Variants in ARHGEF4 observed in about 807,000 individuals in gnomAD.
The protein encoded by ARHGEF4 is Rho guanine nucleotide exchange factor 4, also known as APC-stimulated guanine nucleotide exchange factor 1.
A neutral mutation model predicts 162.0 loss-of-function variants in ARHGEF4; 119 were observed. The ratio of observed to expected loss-of-function variants is 0.73; its 90% confidence interval spans 0.63 to 0.86. The LOEUF is 0.86. Among genes scored for constraint, ARHGEF4 ranks in the 40% least tolerant of loss-of-function variants. ARHGEF4 has a pLI of 0.00. For synonymous variants in ARHGEF4, 1,014 were observed against 979.9 expected, an observed-to-expected ratio of 1.03 and a Z score of -0.65; for missense variants, 2,488 against 2,456.0, an observed-to-expected ratio of 1.01 and a Z score of -0.28.
At chr2:130,932,765 T>G (rs963887486) in intron 3 of ARHGEF4, among the ~76,000 whole-genome samples, 57 of 152,246 alleles carry the variant, frequency 3.7e-4, no homozygotes, top group African/African-American at 1.3e-3. Context: ...CTTTCGCTTT[T>G]AAATTTAGGT....
At chr2:130,985,548 A>T (rs1686424232) in intron 4 of ARHGEF4, among the ~76,000 whole-genome samples, 1 of 151,660 alleles carries the variant, frequency 6.6e-6, no homozygotes, top group African/African-American at 2.4e-5. Flanking sequence ...GGAACTAGGG[A>T]GGGGCAAGGA....
intron 4 of ARHGEF4, among the ~76,000 whole-genome samples, chr2:130,971,943 A>G (rs543839572): frequency 6.6e-6 from 1 of 152,346 alleles, no homozygotes; most frequent in African/African-American, 2.4e-5. Flanking sequence ...TTTCCTAAGT[A>G]AAATCTATAG....
chr2:130,982,642 T>G lies in ARHGEF4; in HGVS notation c.3985+36007T>G, dbSNP rs568715184. Among the ~76,000 whole-genome samples the G allele has an allele frequency of 2.7e-5, 4 of 146,318 alleles. No individual in the cohort carries two copies. The East Asian group carries it at 8.4e-4, about 31-fold the overall frequency. ...CTTCTTTTCTTTCTTACCATTTTAC[T>G]GTAGGCCAAAAGAATTTACCATACA... On this transcript the variant is annotated intron_variant, in intron 4 of 13. Transcript: ENST00000409359.
rs529032783 is a variant in ARHGEF4, at chr2:131,005,517, G to T, written c.3986-22428G>T. ...TCTGTGTTGAAGTGCGCCTCTGGGG[G>T]TCATTTACTTGCATCTGAGATCTGT... On this transcript the variant is annotated intron_variant, in intron 4 of 13. Coordinates refer to ENST00000409359, the MANE Select transcript of ARHGEF4 (RefSeq NM_001367493.1). 2.0e-5 allele frequency among the ~76,000 whole-genome samples: 3 copies of T among 152,312 alleles called. No homozygotes were observed. The East Asian group carries it at 5.8e-4, about 29-fold the overall frequency.
At chr2:130,905,774 A>C (rs1680777342) in intron 1 of ARHGEF4, among the ~76,000 whole-genome samples, 1 of 152,126 alleles carries the variant, frequency 6.6e-6, no homozygotes, top group African/African-American at 2.4e-5. Context: ...TTATTTTATT[A>C]ATCTCTTACT....
intron 1 of ARHGEF4, among the ~76,000 whole-genome samples, chr2:130,850,198 G>C (rs1278367737): frequency 2.0e-5 from 3 of 152,184 alleles, no homozygotes; most frequent in Non-Finnish European, 4.4e-5. Flanking sequence ...GTGCCCCAGG[G>C]AGGGGGCAGC....
chr2:131,040,013 C>A lies in ARHGEF4; in HGVS notation c.4306-3C>A. The A allele has an allele frequency of 6.4e-7, 1 of 1,555,290 alleles. No individual in the cohort carries two copies. The highest frequency in any genetic ancestry group is 8.7e-7 in the Non-Finnish European group (1 of 1,150,578). On this transcript the variant is annotated splice_region_variant and splice_polypyrimidine_tract_variant and intron_variant, in intron 6 of 13. Transcript: ENST00000409359. Reference sequence around the variant, plus strand: ...GCACTGACCGGCCACGCATGGCCTGCAGCTGAGGGTGAATCAGGACGAGCC... The same window carrying A: ...GCACTGACCGGCCACGCATGGCCTGAAGCTGAGGGTGAATCAGGACGAGCC...
chr2:130,915,913 C>T lies in ARHGEF4; in HGVS notation c.1967C>T (p.Pro656Leu). The T allele has an allele frequency of 6.4e-7, 1 of 1,550,464 alleles. No individual in the cohort carries two copies. The highest frequency in any genetic ancestry group is 8.7e-7 in the Non-Finnish European group (1 of 1,146,958). Residue 656 changes from proline (P) to leucine (L), a missense_variant, in exon 2 of 14, where the codon CCC becomes CTC. This residue lies in a region of ARHGEF4 where 1,642 missense variants were observed against 1,481.5 expected (regional missense o/e 1.11). Transcript: ENST00000409359. ...GCGGGGCCTGTTCCAGAAACACTGC[C>T]CCGTGACTTTCCTAAGGAAAGACCA... ...SNAGPVPETL[P>L]RDFPKERPES...
intron 4 of ARHGEF4, among the ~76,000 whole-genome samples, chr2:130,990,803 G>T (rs1183953531): frequency 2.0e-5 from 3 of 152,078 alleles, no homozygotes; most frequent in Non-Finnish European, 4.4e-5. Context: ...CTCAGTGGAA[G>T]AGTGGGTTGT....
At chr2:130,862,846 CAG>C (rs531378643) in intron 1 of ARHGEF4, among the ~76,000 whole-genome samples, 1 of 110,904 alleles carries the variant, frequency 9.0e-6, no homozygotes, top group Non-Finnish European at 1.6e-5. Context: ...GCCTGGGAAA[CAG>C]GGCAAGAGTC....
At chr2:130,952,331 C>A (rs916110180) in intron 4 of ARHGEF4, among the ~76,000 whole-genome samples, 21 of 152,166 alleles carry the variant, frequency 1.4e-4, no homozygotes, top group African/African-American at 4.8e-4. Flanking sequence ...TAAAAAAAAT[C>A]TTTTTAGCAG....
At chr2:130,876,039 C>G (rs1011330549) in intron 1 of ARHGEF4, among the ~76,000 whole-genome samples, 1 of 152,224 alleles carries the variant, frequency 6.6e-6, no homozygotes, top group African/African-American at 2.4e-5. Context: ...AACATGTCAC[C>G]TCTACCTGGA....
intron 1 of ARHGEF4, among the ~76,000 whole-genome samples, chr2:130,879,594 C>G (rs1679067216): frequency 6.6e-6 from 1 of 152,072 alleles, no homozygotes; most frequent in African/African-American, 2.4e-5. Context: ...TTCCCAATGC[C>G]CACACCCCAG....
In ARHGEF4 at chr2:130,914,827, G is replaced by A; in HGVS notation, c.881G>A (p.Cys294Tyr). ...TCCCAGCCCCACTCGGATGTCCCCT[G>A]CCAGCCTCCTTTGAGGACATCTTGC... ...LWSQPHSDVP[C>Y]QPPLRTSCLL... The change falls in exon 2 of 14, where the codon TGC (cysteine) becomes TAC (tyrosine). Residue 294 changes from cysteine to tyrosine, a missense_variant. By Grantham distance (194) the Cys-to-Tyr change is radical. This residue lies in a region of ARHGEF4 where 1,642 missense variants were observed against 1,481.5 expected (regional missense o/e 1.11). Coordinates refer to ENST00000409359, the MANE Select transcript of ARHGEF4 (RefSeq NM_001367493.1). 1 of 1,457,328 alleles carries A rather than the reference G, an allele frequency of 6.9e-7. No homozygotes were observed. The highest frequency in any genetic ancestry group is 9.0e-7 in the Non-Finnish European group (1 of 1,105,570). 90.3% of individuals were successfully genotyped at this position (1,457,328 alleles called of 1,614,324 possible). A position where few individuals can be genotyped will look rare whatever the true frequency, so the allele number is the denominator to read the frequency against.
intron 4 of ARHGEF4, among the ~76,000 whole-genome samples, chr2:131,018,280 G>A (rs539928331): frequency 1.3e-5 from 2 of 152,290 alleles, no homozygotes; most frequent in South Asian, 2.1e-4. Context: ...ACCATACTAA[G>A]GATGAACTGG....
chr2:130,899,288 G>A (rs531099614), intron 1 of ARHGEF4, among the ~76,000 whole-genome samples: 11 of 152,298 alleles, frequency 7.2e-5, no homozygotes, highest in South Asian at 4.1e-4. Flanking sequence ...CTCAGTGCCC[G>A]TGCCTTCAAG....
chr2:131,023,726 C>G (rs1030829334), intron 4 of ARHGEF4, among the ~76,000 whole-genome samples: 3 of 152,222 alleles, frequency 2.0e-5, no homozygotes, highest in African/African-American at 7.2e-5. Context: ...AAGTAGTCAA[C>G]TACCATCTGA....
chr2:130,998,470 C>T (rs1191439880), intron 4 of ARHGEF4, among the ~76,000 whole-genome samples: 1 of 152,206 alleles, frequency 6.6e-6, no homozygotes, highest in Admixed American at 6.5e-5. Context: ...TGCACTCCAC[C>T]TATTCTCCCC....
At chr2:130,958,128 CCTGA>C (rs1309763166) in intron 4 of ARHGEF4, among the ~76,000 whole-genome samples, 1 of 151,984 alleles carries the variant, frequency 6.6e-6, no homozygotes, top group African/African-American at 2.4e-5. Flanking sequence ...CAGACGGCTT[CCTGA>C]CTAAGCCTCA....
Sources: gnomAD v4.1 joint callset for allele counts (sites outside exome capture counted in the v4.1 genomes callset) on GRCh38, gnomAD v4.1.1 for gene constraint, gnomAD v4.1.1 regional missense constraint, MANE v1.5 for transcripts, NCBI Gene and HGNC (gene_info 2026-07-23, HGNC 2026-07-21) for gene names.